The following RNF152 variants were observed in gnomAD, a reference collection of about 807,000 sequenced individuals.
RNF152 encodes the protein E3 ubiquitin-protein ligase RNF152.
RNF152 carries 11 observed loss-of-function variants against 12.7 expected under a neutral mutation model. That is an observed-to-expected ratio of 0.86 (90% CI 0.54 to 1.43). The LOEUF is 1.43. RNF152 is among the 40% of genes most tolerant of loss of function. The probability of loss-of-function intolerance (pLI) is 0.00; values close to 1 mark genes in which losing one functional copy is unlikely to be tolerated. For missense variants in RNF152, 255 were observed against 274.8 expected, an observed-to-expected ratio of 0.93 and a Z score of 0.51; for synonymous variants, 113 against 120.3, an observed-to-expected ratio of 0.94 and a Z score of 0.40.
At chr18:61,855,225 GC>G (rs1215348854) in intron 1 of RNF152, among the ~76,000 whole-genome samples, 1 of 152,226 alleles carries the variant, frequency 6.6e-6, no homozygotes, top group East Asian at 1.9e-4. Flanking sequence ...ATTTTGTAAA[GC>G]TTTTCAATAA....
rs1165737449 is a variant in RNF152, at chr18:61,813,522, T to C, written c.*2330A>G. 6.6e-6 allele frequency: 1 copy of C among 152,204 alleles called. No homozygotes were observed. Among genetic ancestry groups the C allele is most frequent in the African/African-American group, 2.4e-5 (1 of 41,444 alleles). The allele number at this position is 152,204 out of a possible 1,614,324, so 9.4% of individuals were successfully genotyped here. A position where few individuals can be genotyped will look rare whatever the true frequency, so the allele number is the denominator to read the frequency against. On this transcript the variant is annotated 3_prime_UTR_variant, in exon 2 of 2. Coordinates refer to ENST00000312828, the MANE Select transcript of RNF152 (RefSeq NM_173557.3). ...ATGGCAACTCTAGCATGGGATTGTT[T>C]TTAAGTAAAAGTTCTATGGACATTT...
intron 1 of RNF152, among the ~76,000 whole-genome samples, chr18:61,820,677 G>A (rs1909358989): frequency 6.6e-6 from 1 of 152,148 alleles, no homozygotes; most frequent in Non-Finnish European, 1.5e-5. Flanking sequence ...TTGCAAATGA[G>A]GCTGGGGACA....
At chr18:61,864,721 G>C (rs565687619) in intron 1 of RNF152, among the ~76,000 whole-genome samples, 1 of 152,314 alleles carries the variant, frequency 6.6e-6, no homozygotes, top group Non-Finnish European at 1.5e-5. Context: ...CCCACCAAGA[G>C]TCATCTCATT....
At chr18:61,850,380 T>A (rs1209984422) in intron 1 of RNF152, among the ~76,000 whole-genome samples, 1 of 152,258 alleles carries the variant, frequency 6.6e-6, no homozygotes, top group African/African-American at 2.4e-5. Flanking sequence ...ATTTTTCATA[T>A]GTGGTTTTTA....
At chr18:61,873,150 G>A (rs1912067965) in intron 1 of RNF152, among the ~76,000 whole-genome samples, 2 of 151,956 alleles carry the variant, frequency 1.3e-5, no homozygotes, top group Non-Finnish European at 2.9e-5. Context: ...AAAAATACAG[G>A]GCAAAGACAG....
intron 1 of RNF152, among the ~76,000 whole-genome samples, chr18:61,842,615 G>A (rs1188907879): frequency 6.6e-6 from 1 of 152,174 alleles, no homozygotes; most frequent in East Asian, 1.9e-4. Context: ...CTCTTCCTGT[G>A]TATTAGTCTA....
At chr18:61,825,860 A>T (rs188122152) in intron 1 of RNF152, among the ~76,000 whole-genome samples, 188 of 152,216 alleles carry the variant, frequency 1.2e-3, no homozygotes, top group African/African-American at 4.2e-3. Flanking sequence ...CCCTACTCCT[A>T]ATTTTTTTTT....
At position 61,808,094 on chromosome 18, in the gene RNF152, A is replaced by G. The variant is rs1475414568; in HGVS notation, c.*7758T>C. On this transcript the variant is annotated 3_prime_UTR_variant, in exon 2 of 2. Transcript: ENST00000312828. ...TGAAATCATTTTATGAACTTTAATC[A>G]TAGCAAATGTGTTTTTACGGTAGTC... 6.6e-6 allele frequency: 1 copy of G among 152,148 alleles called. No individual in the cohort carries two copies. Among genetic ancestry groups the G allele is most frequent in the Non-Finnish European group, 1.5e-5 (1 of 68,032 alleles). 9.4% of individuals were successfully genotyped at this position (152,148 alleles called of 1,614,324 possible). A position where few individuals can be genotyped will look rare whatever the true frequency, so the allele number is the denominator to read the frequency against.
chr18:61,830,109 C>T (rs1216269733), intron 1 of RNF152, among the ~76,000 whole-genome samples: 3 of 151,534 alleles, frequency 2.0e-5, no homozygotes, highest in Non-Finnish European at 4.4e-5. Flanking sequence ...GCAACCTTCA[C>T]TTCACGGGTT....
intron 1 of RNF152, among the ~76,000 whole-genome samples, chr18:61,878,119 TC>T (rs1279698668): frequency 6.6e-6 from 1 of 152,140 alleles, no homozygotes; most frequent in Admixed American, 6.5e-5. Context: ...TCCATATACA[TC>T]CCATTGGTGA....
At chr18:61,825,173 C>T (rs998886475) in intron 1 of RNF152, among the ~76,000 whole-genome samples, 1 of 152,118 alleles carries the variant, frequency 6.6e-6, no homozygotes, top group Admixed American at 6.5e-5. Flanking sequence ...TTCAAGGAAC[C>T]GGCGTTGCCA....
chr18:61,853,545 G>C (rs560706397), intron 1 of RNF152, among the ~76,000 whole-genome samples: 3 of 152,178 alleles, frequency 2.0e-5, no homozygotes, highest in African/African-American at 7.2e-5. Context: ...GCCAGCCTTG[G>C]CCTCCCAAAG....
chr18:61,886,125 C>T (rs113809350), intron 1 of RNF152, among the ~76,000 whole-genome samples: 188 of 151,138 alleles, frequency 1.2e-3, no homozygotes, highest in African/African-American at 4.0e-3. Flanking sequence ...CATTGGTATA[C>T]GTACTGCAGC....
Position 61,825,210 on chromosome 18 carries a change from G to C in RNF152, c.-135-8612C>G, listed in dbSNP as rs535098640. On this transcript the variant is annotated intron_variant, in intron 1 of 1. Transcript: ENST00000312828. ...GGTAAACAAGAGTCCTACCCTCAAGGAGCCTGGATGTACAACCAGAAGAAA... is the reference window on the plus strand; with the variant it reads ...GGTAAACAAGAGTCCTACCCTCAAGCAGCCTGGATGTACAACCAGAAGAAA... 2.6e-5 allele frequency among the ~76,000 whole-genome samples: 4 copies of C among 152,286 alleles called. No homozygotes were observed. In the East Asian group the frequency reaches 7.7e-4, roughly 29 times the overall value.
intron 1 of RNF152, among the ~76,000 whole-genome samples, chr18:61,892,267 C>G (rs1015729221): frequency 5.3e-5 from 8 of 152,188 alleles, no homozygotes; most frequent in African/African-American, 1.9e-4. Flanking sequence ...CCTCCCAGTA[C>G]TCACTGCTAG....
chr18:61,839,599 A>G (rs1286570939), intron 1 of RNF152, among the ~76,000 whole-genome samples: 1 of 152,104 alleles, frequency 6.6e-6, no homozygotes, highest in Non-Finnish European at 1.5e-5. Flanking sequence ...TTTTACATTT[A>G]AGAAGTATTT....
At chr18:61,879,242 C>T (rs1398961059) in intron 1 of RNF152, among the ~76,000 whole-genome samples, 3 of 152,200 alleles carry the variant, frequency 2.0e-5, no homozygotes, top group Non-Finnish European at 4.4e-5. Flanking sequence ...AGTATAACAA[C>T]AACTTACATT....
chr18:61,850,147 G>A (rs968586318), intron 1 of RNF152, among the ~76,000 whole-genome samples: 5 of 152,188 alleles, frequency 3.3e-5, no homozygotes, highest in African/African-American at 1.2e-4. Flanking sequence ...GGAATCAAAT[G>A]GAAGACCTTC....
chr18:61,817,933 A>C (rs1166604753), intron 1 of RNF152, among the ~76,000 whole-genome samples: 1 of 152,104 alleles, frequency 6.6e-6, no homozygotes, highest in African/African-American at 2.4e-5. Context: ...TCTAGAAAGA[A>C]TTACTCAACC....
Sources: allele counts gnomAD v4.1 joint callset (sites outside exome capture counted in the v4.1 genomes callset), GRCh38; gene constraint gnomAD v4.1.1; transcripts MANE v1.5; gene names NCBI Gene and HGNC (gene_info 2026-07-23, HGNC 2026-07-21).